The following NTPCR variants were observed in gnomAD, a reference collection of about 807,000 sequenced individuals.
The protein encoded by NTPCR is cancer-related nucleoside-triphosphatase.
NTPCR carries 15 observed loss-of-function variants against 19.5 expected under a neutral mutation model. That is an observed-to-expected ratio of 0.77 (90% CI 0.51 to 1.18). The LOEUF is 1.18. Among genes scored for constraint, NTPCR ranks in the 50% most tolerant of loss-of-function variants. The pLI is 0.00. For missense variants in NTPCR, 206 were observed against 240.4 expected (o/e 0.86, Z 0.95); for synonymous variants, 90 against 95.8 (o/e 0.94, Z 0.36).
rs1283982683 is a variant in NTPCR at position 232,950,684 on chromosome 1, C to T, written c.-27C>T. On this transcript the variant is annotated 5_prime_UTR_variant, in exon 1 of 5. Transcript: ENST00000366628. ...ACCCCAACCTGGACTGCTCCCCTGA[C>T]CGCAACCCCTACCCCCGCCCACCAG... The T allele has an allele frequency of 6.2e-7, 1 of 1,602,734 alleles. No individual in the cohort carries two copies. The highest frequency in any genetic ancestry group is 1.7e-5 in the Admixed American group (1 of 59,784).
chr1:232,962,254 A>G (rs937317041), intron 3 of NTPCR: 1 of 152,210 alleles, frequency 6.6e-6, no homozygotes, highest in Non-Finnish European at 1.5e-5. Flanking sequence ...CATTAAAAAA[A>G]ATGTCTTATA....
In NTPCR at chr1:232,981,141, C is replaced by T. The variant is rs1025071679; in HGVS notation, c.*2910C>T. On this transcript the variant is annotated 3_prime_UTR_variant, in exon 5 of 5. Coordinates refer to ENST00000366628, the MANE Select transcript of NTPCR (RefSeq NM_032324.3). ...AGATCATACCGCCAGCTGCTTAACA[C>T]GTAATAGTTTAATAAATTGTTTCTT... 3.3e-5 allele frequency: 5 copies of T among 152,174 alleles called. No homozygotes were observed. Among genetic ancestry groups the T allele is most frequent in the Middle Eastern group, 3.2e-3 (1 of 316 alleles). The allele number at this position is 152,174 out of a possible 1,614,324, so 9.4% of individuals were successfully genotyped here. A position where few individuals can be genotyped will look rare whatever the true frequency, so the allele number is the denominator to read the frequency against.
At position 232,981,175 on chromosome 1, in the gene NTPCR, T is replaced by G. The variant is rs1669271267; in HGVS notation, c.*2944T>G. ...TTAATAAATTGTTTCTTCTTACCTC[T>G]CAGTGAGGGTAAGCACATGCAGGGA... is the stretch of plus-strand genomic sequence containing the variant. On this transcript the variant is annotated 3_prime_UTR_variant, in exon 5 of 5. Transcript: ENST00000366628. The G allele has an allele frequency of 6.6e-6, 1 of 152,176 alleles. No homozygotes were observed. Among genetic ancestry groups the G allele is most frequent in the South Asian group, 2.1e-4 (1 of 4,824 alleles). 9.4% of individuals were successfully genotyped at this position (152,176 alleles called of 1,614,324 possible). A position where few individuals can be genotyped will look rare whatever the true frequency, so the allele number is the denominator to read the frequency against.
rs539192354 is a variant in NTPCR, at chr1:232,971,962, C to T, written c.504+1844C>T. Among the ~76,000 whole-genome samples the T allele has an allele frequency of 7.9e-5, 12 of 152,336 alleles. No individual in the cohort carries two copies. The South Asian group carries it at 1.4e-3, about 18-fold the overall frequency. On this transcript the variant is annotated intron_variant, in intron 4 of 4. Transcript: ENST00000366628. ...GAAAATTAGTTTTGAGGTCAGATAGCTTCTAGGCTGGAAGACCGGGAAATT... is the reference window on the plus strand; with the variant it reads ...GAAAATTAGTTTTGAGGTCAGATAGTTTCTAGGCTGGAAGACCGGGAAATT...
intron 1 of NTPCR, among the ~76,000 whole-genome samples, chr1:232,955,158 C>T (rs530920854): frequency 3.3e-5 from 5 of 152,174 alleles, no homozygotes; most frequent in African/African-American, 1.2e-4. Flanking sequence ...AATTCCCAGC[C>T]CCTGACTCAA....
chr1:232,974,706 G>A (rs1669078994), intron 4 of NTPCR, among the ~76,000 whole-genome samples: 1 of 152,186 alleles, frequency 6.6e-6, no homozygotes, highest in South Asian at 2.1e-4. Flanking sequence ...GTCAGGTACT[G>A]TTCTATCCAC....
At chr1:232,956,064 G>A (rs1263918379) in intron 2 of NTPCR, among the ~76,000 whole-genome samples, 4 of 152,072 alleles carry the variant, frequency 2.6e-5, no homozygotes, top group Non-Finnish European at 5.9e-5. Context: ...CCTGTTTCTG[G>A]TGCCACTTTT....
chr1:232,953,854 A>G (rs1034270458), intron 1 of NTPCR, among the ~76,000 whole-genome samples: 4 of 152,158 alleles, frequency 2.6e-5, no homozygotes, highest in African/African-American at 9.7e-5. Context: ...TAAGCAGTAT[A>G]TTTTTTAATG....
At position 232,961,686 on chromosome 1, in the gene NTPCR, A is replaced by C. The variant is rs957532693; in HGVS notation, c.294+5243A>C. Among the ~76,000 whole-genome samples, 9 of 152,128 alleles carry C rather than the reference A, an allele frequency of 5.9e-5. No homozygotes were observed. The East Asian group carries it at 9.6e-4, about 16-fold the overall frequency. ...GTCTGTCCCTATTCCAAATTTATAT[A>C]AAATTTTACCTATATATTTCTTCTT... On this transcript the variant is annotated intron_variant, in intron 3 of 4. Coordinates refer to ENST00000366628, the MANE Select transcript of NTPCR (RefSeq NM_032324.3).
intron 3 of NTPCR, among the ~76,000 whole-genome samples, chr1:232,961,655 A>C (rs1668672698): frequency 6.6e-6 from 1 of 152,316 alleles, no homozygotes; most frequent in African/African-American, 2.4e-5. Context: ...TTCAAGGTAG[A>C]GAAAAGTCTG....
At chr1:232,960,134 A>G (rs887234079) in intron 3 of NTPCR, among the ~76,000 whole-genome samples, 4 of 148,206 alleles carry the variant, frequency 2.7e-5, no homozygotes, top group Admixed American at 1.4e-4. Context: ...GAATCGCTTG[A>G]ACCCAGGAAG....
chr1:232,958,614 TC>T (rs1668581008), intron 3 of NTPCR, among the ~76,000 whole-genome samples: 1 of 152,212 alleles, frequency 6.6e-6, no homozygotes, highest in Non-Finnish European at 1.5e-5. Flanking sequence ...TGTTTCCTCC[TC>T]CCACCTCCTT....
intron 3 of NTPCR, chr1:232,968,361 T>C (rs984453438): frequency 6.6e-5 from 10 of 152,266 alleles, no homozygotes; most frequent in African/African-American, 2.4e-4. Flanking sequence ...GAGTACTGTT[T>C]ACTTAAAAGT....
At position 232,981,569 on chromosome 1, in the gene NTPCR, C is replaced by G. The variant is rs1361472690; in HGVS notation, c.*3338C>G. 1 of 152,124 alleles carries G rather than the reference C, an allele frequency of 6.6e-6. No individual in the cohort carries two copies. The highest frequency in any genetic ancestry group is 1.5e-5 in the Non-Finnish European group (1 of 68,028). 9.4% of individuals were successfully genotyped at this position (152,124 alleles called of 1,614,324 possible). A position where few individuals can be genotyped will look rare whatever the true frequency, so the allele number is the denominator to read the frequency against. ...AAGTTGAAGCATCGCATGATTTTAACAAATTACTTGCCAGATGATTTCAAC... is the reference window on the plus strand; with the variant it reads ...AAGTTGAAGCATCGCATGATTTTAAGAAATTACTTGCCAGATGATTTCAAC... On this transcript the variant is annotated 3_prime_UTR_variant, in exon 5 of 5. Transcript: ENST00000366628.
intron 4 of NTPCR, among the ~76,000 whole-genome samples, chr1:232,973,628 T>C (rs1669049216): frequency 6.6e-6 from 1 of 152,154 alleles, no homozygotes; most frequent in African/African-American, 2.4e-5. Flanking sequence ...GGGCAAGGAT[T>C]TGAAAACAGC....
At chr1:232,969,842 G>A (rs1482066486) in intron 3 of NTPCR, 67 bp from the exon 4 acceptor site, 1 of 1,298,918 alleles carries the variant, frequency 7.7e-7, no homozygotes, top group Non-Finnish European at 1.1e-6. Context: ...TGATTGGGGA[G>A]TGGGACCCAT....
intron 3 of NTPCR, among the ~76,000 whole-genome samples, chr1:232,958,814 A>G (rs1668587471): frequency 6.6e-6 from 1 of 152,182 alleles, no homozygotes; most frequent in Admixed American, 6.5e-5. Flanking sequence ...CCAAGTGAAG[A>G]TTCTGGTTTT....
At chr1:232,970,158 C>A in intron 4 of NTPCR, 40 bp downstream of exon 4, 1 of 1,495,844 alleles carries the variant, frequency 6.7e-7, no homozygotes, top group Non-Finnish European at 9.3e-7. Context: ...GGAAATGGAG[C>A]AGATGATCTA....
rs745984011 is a variant in NTPCR, at chr1:232,970,029, A to G, written c.415A>G (p.Ile139Val). The G allele has an allele frequency of 4.3e-6, 7 of 1,614,066 alleles. No individual in the cohort carries two copies. The highest frequency in any genetic ancestry group is 5.9e-6 in the Non-Finnish European group (7 of 1,180,008). Residue 139 changes from isoleucine to valine, a missense_variant, in exon 4 of 5, where the codon ATA becomes GTA. Transcript: ENST00000366628. ...VRQTLSTPGT[I>V]ILGTIPVPKG... ...TCAGACGCTGTCTACCCCAGGGACT[A>G]TAATCCTTGGCACAATCCCAGTTCC... is the stretch of plus-strand genomic sequence containing the variant.
Sources: allele counts gnomAD v4.1 joint callset (sites outside exome capture counted in the v4.1 genomes callset), GRCh38; gene constraint gnomAD v4.1.1; transcripts MANE v1.5; gene names NCBI Gene and HGNC (gene_info 2026-07-23, HGNC 2026-07-21).